RBAK: variants seen among roughly 807,000 people sequenced by gnomAD.
RBAK encodes the protein RB-associated KRAB zinc finger protein.
In RBAK, 39 loss-of-function variants were observed where a neutral mutation model predicts 65.8. That is an observed-to-expected ratio of 0.59 (90% CI 0.46 to 0.77). The LOEUF (loss-of-function observed/expected upper bound fraction) is 0.77, where lower values mean the gene tolerates loss of function less well. RBAK is among the 30% of genes least tolerant of loss of function. RBAK has a pLI of 0.00. For missense variants in RBAK, 884 were observed against 855.1 expected (o/e 1.03, Z -0.42); for synonymous variants, 343 against 289.7 (o/e 1.18, Z -1.87).
chr7:5,058,961 G>C (rs1178382851), intron 4 of RBAK, among the ~76,000 whole-genome samples: 1 of 152,098 alleles, frequency 6.6e-6, no homozygotes. Flanking sequence ...TATTTTACTT[G>C]ACAACATAGC....
rs1316985962 is a variant in RBAK at position 5,068,089 on chromosome 7, A to T, written c.*2488A>T. 6.6e-6 allele frequency: 1 copy of T among 152,198 alleles called. No homozygotes were observed. Among genetic ancestry groups the T allele is most frequent in the African/African-American group, 2.4e-5 (1 of 41,454 alleles). The allele number at this position is 152,198 out of a possible 1,614,324, so 9.4% of individuals were successfully genotyped here. ...CCAGTAAGAAAATGAACAGGAAATC[A>T]TGGGGAGGAGAAGATATTTGCAGTT... On this transcript the variant is annotated 3_prime_UTR_variant, in exon 5 of 5. Transcript: ENST00000396912.
intron 2 of RBAK, among the ~76,000 whole-genome samples, chr7:5,050,454 C>T (rs1788090945): frequency 6.6e-6 from 1 of 152,138 alleles, no homozygotes; most frequent in African/African-American, 2.4e-5. Context: ...GTGTTACCTT[C>T]TTTGTTTTTG....
At position 5,064,000 on chromosome 7, in the gene RBAK, C is replaced by A. The variant is rs61759881; in HGVS notation, c.544C>A (p.Gln182Lys). 1.2e-5 allele frequency: 20 copies of A among 1,613,820 alleles called. No homozygotes were observed. Among genetic ancestry groups the A allele is most frequent in the Non-Finnish European group, 1.5e-5 (18 of 1,179,938 alleles). ...YHGEKMCEFN[Q>K]NGDTYSHNEE... Reference sequence around the variant, plus strand: ...TGGAGAGAAAATGTGTGAATTTAATCAAAATGGGGATACCTATTCTCACAA... The same window carrying A: ...TGGAGAGAAAATGTGTGAATTTAATAAAAATGGGGATACCTATTCTCACAA... Residue 182 changes from glutamine to lysine, a missense_variant, in exon 5 of 5, where the codon CAA (glutamine) becomes AAA (lysine). By Grantham distance (53) the Gln-to-Lys change is moderately conservative. Coordinates refer to ENST00000396912, the MANE Select transcript of RBAK (RefSeq NM_021163.4).
rs371554048 is a variant in RBAK at position 5,062,902 on chromosome 7, T to C, written c.239-793T>C. 3.9e-5 allele frequency among the ~76,000 whole-genome samples: 6 copies of C among 152,326 alleles called. No individual in the cohort carries two copies. In the South Asian group the frequency reaches 1.0e-3, roughly 26 times the overall value. On this transcript the variant is annotated intron_variant, in intron 4 of 4. Transcript: ENST00000396912. Reference sequence around the variant, plus strand: ...GGCAGTCAGAGTTTAAGGTTATCTCTCTTGTTCCCTAAACATTGCTGTTTT... The same window carrying C: ...GGCAGTCAGAGTTTAAGGTTATCTCCCTTGTTCCCTAAACATTGCTGTTTT...
chr7:5,063,816 A>G lies in RBAK; in HGVS notation c.360A>G (p.Gln120=), dbSNP rs200985988. 1.9e-6 allele frequency: 3 copies of G among 1,614,072 alleles called. No individual in the cohort carries two copies. The Admixed American group carries it at 5.0e-5, about 27-fold the overall frequency. Residue 120 remains glutamine (Q), a synonymous_variant, in exon 5 of 5, where the codon CAA becomes CAG. Coordinates refer to ENST00000396912, the MANE Select transcript of RBAK (RefSeq NM_021163.4). ...LTEEKENTFS[Q]IYMETSLVPS... is the part of the protein sequence containing the mutation. ...AAGAGAAAGAGAATACATTTAGTCA[A>G]ATTTACATGGAAACAAGCCTTGTTC...
Position 5,065,028 on chromosome 7 carries a change from A to G in RBAK, c.1572A>G (p.Ser524=). The change falls in exon 5 of 5, where the codon TCA becomes TCG. Residue 524 remains serine (S), a synonymous_variant. Coordinates refer to ENST00000396912, the MANE Select transcript of RBAK (RefSeq NM_021163.4). This position sits in a 1 kb window ranked among gnomAD's most constrained non-coding sequence, Gnocchi z 5.3. ...NECGKTFLVN[S]AFDGHQPLPK... Reference sequence around the variant, plus strand: ...GTGGGAAAACCTTCCTTGTAAATTCAGCCTTCGATGGGCACCAGCCACTTC... The same window carrying G: ...GTGGGAAAACCTTCCTTGTAAATTCGGCCTTCGATGGGCACCAGCCACTTC... 6.2e-7 allele frequency: 1 copy of G among 1,613,964 alleles called. No individual in the cohort carries two copies. The highest frequency in any genetic ancestry group is 1.1e-5 in the South Asian group (1 of 91,042).
At position 5,067,082 on chromosome 7, in the gene RBAK, A is replaced by G. The variant is rs1779237763; in HGVS notation, c.*1481A>G. ...GCATAAAGAGACTTAAACTACAACA[A>G]ACAATATGCTTAATGATGAAATAGT... On this transcript the variant is annotated 3_prime_UTR_variant, in exon 5 of 5. Transcript: ENST00000396912. 1 of 152,204 alleles carries G rather than the reference A, an allele frequency of 6.6e-6. No individual in the cohort carries two copies. The highest frequency in any genetic ancestry group is 2.1e-4 in the South Asian group (1 of 4,836). The allele number at this position is 152,204 out of a possible 1,614,324, so 9.4% of individuals were successfully genotyped here.
At chr7:5,050,430 A>G (rs895237971) in intron 2 of RBAK, among the ~76,000 whole-genome samples, 6 of 152,100 alleles carry the variant, frequency 3.9e-5, no homozygotes, top group African/African-American at 1.4e-4. Flanking sequence ...GCATTTGTCT[A>G]CTTCTGGAGG....
At position 5,057,693 on chromosome 7, in the gene RBAK, C is replaced by T. The variant is rs771375993; in HGVS notation, c.152C>T (p.Thr51Ile). ...CTTTTCCCATTAACAGGATATGATA[C>T]CACCAAGCCAAACGTCATCATTAAG... ...YSHLVSVGYD[T>I]TKPNVIIKLE... The change falls in exon 4 of 5, where the codon ACC (threonine) becomes ATC (isoleucine). Residue 51 changes from threonine to isoleucine, a missense_variant. Physicochemically the swap from Thr to Ile is moderately conservative, Grantham distance 89. Transcript: ENST00000396912. 10 of 1,613,738 alleles carry T rather than the reference C, an allele frequency of 6.2e-6. No individual in the cohort carries two copies. The highest frequency in any genetic ancestry group is 6.8e-6 in the Non-Finnish European group (8 of 1,179,854).
chr7:5,055,157 T>C (rs1788199565), intron 2 of RBAK, among the ~76,000 whole-genome samples: 1 of 152,156 alleles, frequency 6.6e-6, no homozygotes, highest in Non-Finnish European at 1.5e-5. Context: ...ATTTTATTAA[T>C]ACCTTGTTCT....
At chr7:5,054,748 C>G (rs1015623146) in intron 2 of RBAK, among the ~76,000 whole-genome samples, 3 of 152,058 alleles carry the variant, frequency 2.0e-5, no homozygotes, top group Non-Finnish European at 4.4e-5. Context: ...CCAGTTTTGT[C>G]CATGTCCAAA....
intron 2 of RBAK, among the ~76,000 whole-genome samples, chr7:5,055,930 A>C (rs1490203479): frequency 1.3e-5 from 2 of 151,700 alleles, no homozygotes; most frequent in African/African-American, 4.8e-5. Flanking sequence ...ACTGGATTTG[A>C]ACCCCTTGTT....
At chr7:5,050,805 C>T (rs1391837440) in intron 2 of RBAK, among the ~76,000 whole-genome samples, 1 of 152,112 alleles carries the variant, frequency 6.6e-6, no homozygotes, top group Non-Finnish European at 1.5e-5. Flanking sequence ...AACTCCTGGG[C>T]TCAAGTGATC....
intron 2 of RBAK, among the ~76,000 whole-genome samples, chr7:5,055,735 C>T (rs1227646029): frequency 6.6e-6 from 1 of 151,370 alleles, no homozygotes; most frequent in South Asian, 2.1e-4. Flanking sequence ...GTCTTCTAAC[C>T]CCTACTACCT....
intron 2 of RBAK, among the ~76,000 whole-genome samples, chr7:5,055,303 CTG>C (rs1226919206): frequency 2.0e-5 from 3 of 151,080 alleles, no homozygotes; most frequent in South Asian, 2.1e-4. Context: ...TACACACAAA[CTG>C]TATATATATG....
chr7:5,065,167 G>A lies in RBAK; in HGVS notation c.1711G>A (p.Glu571Lys), dbSNP rs753827279. ...HSEEKPYGCS[E>K]CGKTFSHNSS... ...AGAAGAGAAACCTTATGGATGTAGCGAATGTGGGAAAACCTTTTCCCATAA... is the reference window on the plus strand; with the variant it reads ...AGAAGAGAAACCTTATGGATGTAGCAAATGTGGGAAAACCTTTTCCCATAA... The change falls in exon 5 of 5, where the codon GAA becomes AAA. Residue 571 changes from glutamate (E) to lysine (K), a missense_variant. Transcript: ENST00000396912. This position sits in a 1 kb window ranked among gnomAD's most constrained non-coding sequence, Gnocchi z 5.3. 167 of 1,613,558 alleles carry A rather than the reference G, an allele frequency of 1.0e-4. 2 individuals carry two copies. In the South Asian group the frequency reaches 1.2e-3, roughly 12 times the overall value.
Position 5,048,247 on chromosome 7 carries a change from A to C in RBAK, c.15+156A>C, listed in dbSNP as rs1269580545. ...GAGTGCAGTGGCATGATCTCGCTTC[A>C]CTGCAACCTCCACCTCCTGGGTTCA... On this transcript the variant is annotated intron_variant, in intron 2 of 4. Coordinates refer to ENST00000396912, the MANE Select transcript of RBAK (RefSeq NM_021163.4). The surrounding 1 kb of genome is among the most constrained non-coding windows in gnomAD (Gnocchi z 4.4). 4.0e-5 allele frequency among the ~76,000 whole-genome samples: 6 copies of C among 149,820 alleles called. No homozygotes were observed. The highest frequency in any genetic ancestry group is 7.4e-5 in the Non-Finnish European group (5 of 67,706).
chr7:5,046,792 G>A (rs1336970930), intron 1 of RBAK, among the ~76,000 whole-genome samples: 1 of 152,132 alleles, frequency 6.6e-6, no homozygotes, highest in Non-Finnish European at 1.5e-5. Context: ...GGAACAGTCT[G>A]CAGGGATTCT....
chr7:5,049,015 T>G (rs2115024674), intron 2 of RBAK, among the ~76,000 whole-genome samples: 1 of 152,278 alleles, frequency 6.6e-6, no homozygotes, highest in African/African-American at 2.4e-5. Context: ...GAACATGAGA[T>G]TTGGTTGGCG....
Sources: gnomAD v4.1 joint callset for allele counts (sites outside exome capture counted in the v4.1 genomes callset) on GRCh38, gnomAD v4.1.1 for gene constraint, Gnocchi (gnomAD v3.1) non-coding constraint, MANE v1.5 for transcripts, NCBI Gene and HGNC (gene_info 2026-07-23, HGNC 2026-07-21) for gene names.